CDK16: variants seen among roughly 807,000 people sequenced by gnomAD.
CDK16 encodes the protein cyclin-dependent kinase 16.
CDK16 carries 2 observed loss-of-function variants against 41.6 expected under a neutral mutation model. The observed-to-expected ratio is 0.05, with a 90% CI of 0.02 to 0.15. CDK16 has a LOEUF of 0.15. Among genes scored for constraint, CDK16 ranks in the 10% least tolerant of loss-of-function variants. The pLI is 1.00. For missense variants in CDK16, 228 were observed against 428.9 expected (o/e 0.53, Z 4.14); for synonymous variants, 169 against 169.7 (o/e 1.00, Z 0.03).
intron 1 of CDK16, 149 bp downstream of exon 1, chrX:47,219,254 C>G (rs1389707309): frequency 9.0e-5 from 52 of 578,548 alleles, no homozygotes; most frequent in Non-Finnish European, 1.0e-4. Flanking sequence ...TCATTTGGGG[C>G]CTCCCTGACC....
At chrX:47,226,246 T>C (rs769501109) in intron 8 of CDK16, 33 bp from the exon 9 acceptor site, 1 of 1,209,566 alleles carries the variant, frequency 8.3e-7, no homozygotes, top group South Asian at 1.8e-5. Context: ...GTGGATAGTC[T>C]TTGACCTCTG....
At position 47,219,089 on chromosome X, in the gene CDK16, C is replaced by T; in HGVS notation, c.-23C>T. 2.5e-6 allele frequency: 2 copies of T among 813,041 alleles called. No individual in the cohort carries two copies. Among genetic ancestry groups the T allele is most frequent in the African/African-American group, 2.2e-5 (1 of 44,514 alleles). 67.0% of individuals were successfully genotyped at this position (813,041 alleles called of 1,213,427 possible). ...CGCCGGCCCCGCGGCTCTGAGGTTG[C>T]TCGCGCGCCCCCGCCGGTGAGCGCG... On this transcript the variant is annotated 5_prime_UTR_variant, in exon 1 of 16. Coordinates refer to ENST00000357227, the MANE Select transcript of CDK16 (RefSeq NM_006201.5).
At position 47,225,109 on chromosome X, in the gene CDK16, ACCCCCATCCCATCTG is replaced by A. The variant is rs747404909; in HGVS notation, c.634+12_634+26del. ...TGCACCGCCATCCGGGAAGGTACAC[ACCCCCATCCCATCTG>A]CCCCAGGCTTCCCCAACCCACCCCT... On this transcript the variant is annotated splice_region_variant and intron_variant, in intron 6 of 15. Transcript: ENST00000357227. 12 of 1,149,952 alleles carry A rather than the reference ACCCCCATCCCATCTG, an allele frequency of 1.0e-5. No homozygotes were observed. The South Asian group carries it at 2.1e-4, about 20-fold the overall frequency. 94.8% of individuals were successfully genotyped at this position (1,149,952 alleles called of 1,213,427 possible). A position where few individuals can be genotyped will look rare whatever the true frequency, so the allele number is the denominator to read the frequency against.
intron 1 of CDK16, among the ~76,000 whole-genome samples, chrX:47,222,588 G>A (rs1257595209): frequency 2.0e-5 from 2 of 98,161 alleles, no homozygotes; most frequent in Admixed American, 2.4e-4. Flanking sequence ...AACAGCCAGT[G>A]TAAAGGCCCC....
chrX:47,223,130 C>A, intron 1 of CDK16: 1 of 1,156,999 alleles, frequency 8.6e-7, no homozygotes, highest in Non-Finnish European at 1.1e-6. Context: ...GACCATGTCA[C>A]CCATCCTTCA....
At chrX:47,224,591 C>T in intron 3 of CDK16, 27 bp from the exon 4 acceptor site, 1 of 1,210,998 alleles carries the variant, frequency 8.3e-7, no homozygotes, top group Non-Finnish European at 1.1e-6. Flanking sequence ...GCTCATGATC[C>T]TGTTTCTCTC....
chrX:47,228,797 G>C lies in CDK16; in HGVS notation c.*29G>C. On this transcript the variant is annotated 3_prime_UTR_variant, in exon 16 of 16. Transcript: ENST00000357227. ...ACAGACCGAGGCCCCAGCAGGCAGCGGCTGGAGGGATGCCACACCCCTCAC... is the reference window on the plus strand; with the variant it reads ...ACAGACCGAGGCCCCAGCAGGCAGCCGCTGGAGGGATGCCACACCCCTCAC... 8.4e-7 allele frequency: 1 copy of C among 1,193,497 alleles called. No individual in the cohort carries two copies.
In CDK16 at chrX:47,219,031, C is replaced by T; in HGVS notation, c.-81C>T. On this transcript the variant is annotated 5_prime_UTR_variant, in exon 1 of 16. Coordinates refer to ENST00000357227, the MANE Select transcript of CDK16 (RefSeq NM_006201.5). Reference sequence around the variant, plus strand: ...ACAGGAGGAGAAGGAGGTCGCGCGGCCTCATCCCGGGCCGCCGCCCCAGGC... The same window carrying T: ...ACAGGAGGAGAAGGAGGTCGCGCGGTCTCATCCCGGGCCGCCGCCCCAGGC... The T allele has an allele frequency of 2.4e-6, 2 of 838,941 alleles. No individual in the cohort carries two copies. The highest frequency in any genetic ancestry group is 2.9e-6 in the Non-Finnish European group (2 of 695,453). 69.1% of individuals were successfully genotyped at this position (838,941 alleles called of 1,213,427 possible).
rs2147329760 is a variant in CDK16, at chrX:47,224,820, C to T, written c.463-14C>T. 8.3e-7 allele frequency: 1 copy of T among 1,211,549 alleles called. No homozygotes were observed. Among genetic ancestry groups the T allele is most frequent in the Non-Finnish European group, 1.1e-6 (1 of 895,473 alleles). ...CTCCTGAGCCAGCTTTAACCTGCCT[C>T]ATTTGTCCCACAGTCTGAGATTGGC... is the stretch of plus-strand genomic sequence containing the variant. On this transcript the variant is annotated splice_polypyrimidine_tract_variant and intron_variant, in intron 4 of 15. Transcript: ENST00000357227.
intron 6 of CDK16, 57 bp from the exon 7 acceptor site, chrX:47,225,715 C>G: frequency 1.1e-6 from 1 of 903,624 alleles, no homozygotes; most frequent in Non-Finnish European, 1.6e-6. Flanking sequence ...GTCCTCACCT[C>G]TGTCCTGAGG....
Position 47,226,863 on chromosome X carries a change from G to A in CDK16, c.1089G>A (p.Pro363=). Reference sequence around the variant, plus strand: ...TGGCCACAGGCCGTCCCCTCTTTCCGGGCTCCACGGTGGAGGAACAGCTAC... The same window carrying A: ...TGGCCACAGGCCGTCCCCTCTTTCCAGGCTCCACGGTGGAGGAACAGCTAC... ...YEMATGRPLF[P]GSTVEEQLHF... Residue 363 remains proline (P), a synonymous_variant, in exon 11 of 16, where the codon CCG becomes CCA. Transcript: ENST00000357227. 3.3e-6 allele frequency: 4 copies of A among 1,210,676 alleles called. No individual in the cohort carries two copies. The highest frequency in any genetic ancestry group is 2.2e-5 in the Admixed American group (1 of 46,032).
chrX:47,226,130 A>G, intron 8 of CDK16, 103 bp downstream of exon 8: 1 of 1,105,057 alleles, frequency 9.0e-7, no homozygotes, highest in Non-Finnish European at 1.2e-6. Flanking sequence ...TTTTTTTGCT[A>G]GGAGCCCTTG....
chrX:47,218,658 G>T (rs782587244), upstream of CDK16: 3 of 1,166,327 alleles, frequency 2.6e-6, no homozygotes, highest in African/African-American at 5.4e-5. Context: ...GGTACATGCA[G>T]TCCGAGGTGA....
intron 14 of CDK16, 47 bp downstream of exon 14, chrX:47,227,516 C>A: frequency 2.0e-6 from 2 of 1,000,728 alleles, no homozygotes; most frequent in Non-Finnish European, 2.8e-6. Context: ...GACTGGGAAA[C>A]AGGACTGCTG....
intron 14 of CDK16, chrX:47,228,260 A>G (rs1261034928): frequency 1.3e-5 from 3 of 233,148 alleles, no homozygotes; most frequent in Non-Finnish European, 1.5e-5. Flanking sequence ...CACTTTCCCT[A>G]TCTTCCCACT....
chrX:47,222,666 T>TG (rs1166179078), intron 1 of CDK16, among the ~76,000 whole-genome samples: 845 of 11,221 alleles, frequency 0.075, 13 homozygotes, highest in African/African-American at 0.16. Context: ...GGTGTGGGGG[T>TG]GGGGGGGGGC....
chrX:47,222,944 A>T, intron 1 of CDK16: 1 of 647,969 alleles, frequency 1.5e-6, no homozygotes, highest in Non-Finnish European at 2.0e-6. Flanking sequence ...GGACACCCTG[A>T]CACACGCTCC....
In CDK16 at chrX:47,219,112, G is replaced by C; in HGVS notation, c.-7+7G>C. 1.2e-6 allele frequency: 1 copy of C among 813,211 alleles called. No homozygotes were observed. Among genetic ancestry groups the C allele is most frequent in the African/African-American group, 2.2e-5 (1 of 44,627 alleles). 67.0% of individuals were successfully genotyped at this position (813,211 alleles called of 1,213,427 possible). A position where few individuals can be genotyped will look rare whatever the true frequency, so the allele number is the denominator to read the frequency against. ...TGCTCGCGCGCCCCCGCCGGTGAGCGCGTCCCCGAGGCGTGGAGGCTGCCC... is the reference window on the plus strand; with the variant it reads ...TGCTCGCGCGCCCCCGCCGGTGAGCCCGTCCCCGAGGCGTGGAGGCTGCCC... On this transcript the variant is annotated splice_region_variant and intron_variant, in intron 1 of 15. Transcript: ENST00000357227.
intron 1 of CDK16, chrX:47,222,272 G>C (rs1367312150): frequency 8.9e-6 from 1 of 111,762 alleles, no homozygotes; most frequent in Admixed American, 9.5e-5. Flanking sequence ...CACTATTCCA[G>C]GTCCTCAGGA....
Sources: allele counts gnomAD v4.1 joint callset (sites outside exome capture counted in the v4.1 genomes callset), GRCh38; gene constraint gnomAD v4.1.1; transcripts MANE v1.5; gene names NCBI Gene and HGNC (gene_info 2026-07-23, HGNC 2026-07-21).